Variants in PGD observed in about 807,000 individuals in gnomAD.
PGD encodes phosphogluconate dehydrogenase, also known as 6-phosphogluconate dehydrogenase, decarboxylating.
In PGD, 21 loss-of-function variants were observed where a neutral mutation model predicts 60.4. The ratio of observed to expected loss-of-function variants is 0.35; its 90% confidence interval spans 0.25 to 0.50. PGD has a LOEUF of 0.50. PGD is among the 20% of genes least tolerant of loss of function. PGD has a pLI of 0.98. For synonymous variants in PGD, 230 were observed against 235.9 expected, an observed-to-expected ratio of 0.97 and a Z score of 0.23; for missense variants, 477 against 613.1, an observed-to-expected ratio of 0.78 and a Z score of 2.34.
At chr1:10,399,764 C>A in intron 2 of PGD, 60 bp downstream of exon 2, 2 of 1,446,960 alleles carry the variant, frequency 1.4e-6, no homozygotes, top group Non-Finnish European at 1.9e-6. Flanking sequence ...CCGAGGCCGG[C>A]GATAGGTTTG....
chr1:10,419,512 T>C lies in PGD; in HGVS notation c.1305T>C (p.His435=), dbSNP rs1639653435. The C allele has an allele frequency of 2.5e-6, 4 of 1,606,328 alleles. No homozygotes were observed. The highest frequency in any genetic ancestry group is 3.4e-6 in the Non-Finnish European group (4 of 1,173,210). ...TALSFYDGYR[H]EMLPASLIQA... ...TCTCCTTCTATGACGGGTACAGACA[T>C]GAGATGCTTCCAGCCAGCCTCATCC... The change falls in exon 12 of 13, where the codon CAT becomes CAC. Residue 435 remains histidine, a synonymous_variant. Transcript: ENST00000270776.
intron 5 of PGD, 92 bp from the exon 6 acceptor site, chr1:10,407,979 G>C: frequency 2.6e-6 from 2 of 766,920 alleles, no homozygotes; most frequent in Non-Finnish European, 2.3e-6. Context: ...GAAAAGATAG[G>C]GGTTGGTGTC....
intron 7 of PGD, 101 bp downstream of exon 7, chr1:10,411,653 G>A: frequency 3.6e-6 from 5 of 1,386,608 alleles, no homozygotes; most frequent in Non-Finnish European, 5.0e-6. Flanking sequence ...GGCCATTCGG[G>A]TGGCCTGCAT....
chr1:10,400,803 A>G (rs1219957161), intron 3 of PGD, among the ~76,000 whole-genome samples: 1 of 152,198 alleles, frequency 6.6e-6, no homozygotes, highest in Non-Finnish European at 1.5e-5. Flanking sequence ...TTCAATAAAC[A>G]TTAAGGCGGG....
chr1:10,399,259 C>T, intron 1 of PGD, 134 bp downstream of exon 1: 4 of 1,051,538 alleles, frequency 3.8e-6, no homozygotes, highest in Non-Finnish European at 5.5e-6. Context: ...CTCTGTGACC[C>T]TGGCCCTACG....
intron 8 of PGD, among the ~76,000 whole-genome samples, chr1:10,413,759 G>A (rs903036103): frequency 1.3e-5 from 2 of 152,136 alleles, no homozygotes; most frequent in Admixed American, 1.3e-4. Context: ...CAAAAAATTA[G>A]CCAGGTGTGG....
At chr1:10,400,882 A>C (rs1285457149) in intron 3 of PGD, among the ~76,000 whole-genome samples, 1 of 152,126 alleles carries the variant, frequency 6.6e-6, no homozygotes, top group East Asian at 1.9e-4. Flanking sequence ...GTTTGAGCCC[A>C]GGAGTTCGAG....
intron 9 of PGD, 40 bp downstream of exon 9, chr1:10,417,157 C>T (rs370969316): frequency 6.6e-5 from 107 of 1,610,020 alleles, no homozygotes; most frequent in Non-Finnish European, 8.0e-5. Flanking sequence ...GTTGGTCCTG[C>T]GGAAGGCAGT....
At chr1:10,405,392 A>T (rs1340841944) in intron 5 of PGD, among the ~76,000 whole-genome samples, 58 of 134,700 alleles carry the variant, frequency 4.3e-4, no homozygotes, top group African/African-American at 1.6e-3. Flanking sequence ...AAACAAAACA[A>T]ACAAAAAATA....
chr1:10,413,459 C>T (rs754015648), intron 8 of PGD, among the ~76,000 whole-genome samples: 4 of 152,144 alleles, frequency 2.6e-5, no homozygotes, highest in Non-Finnish European at 5.9e-5. Flanking sequence ...TTATCTCATT[C>T]GTACAAACTG....
intron 2 of PGD, chr1:10,400,004 C>CGG: frequency 1.9e-6 from 1 of 517,634 alleles, no homozygotes. Flanking sequence ...GTGTAGAGCT[C>CGG]TAACTTGATT....
At chr1:10,403,427 T>G (rs1006922256) in intron 4 of PGD, among the ~76,000 whole-genome samples, 12 of 151,738 alleles carry the variant, frequency 7.9e-5, no homozygotes, top group Non-Finnish European at 1.8e-4. Context: ...CCGTCTCTAC[T>G]AAAAATACAA....
At chr1:10,404,401 T>G (rs1253405014) in intron 5 of PGD, 122 bp downstream of exon 5, 2 of 509,180 alleles carry the variant, frequency 3.9e-6, no homozygotes, top group Non-Finnish European at 6.9e-6. Context: ...AGCTGGGAGA[T>G]GCTGGCAATT....
intron 6 of PGD, among the ~76,000 whole-genome samples, chr1:10,408,350 G>C (rs1639443289): frequency 6.6e-6 from 1 of 152,122 alleles, no homozygotes; most frequent in Non-Finnish European, 1.5e-5. Flanking sequence ...CCTTGAGGTT[G>C]ATATTAAAAG....
Position 10,417,434 on chromosome 1 carries a change from C to T in PGD, c.1034C>T (p.Ala345Val). 6.2e-7 allele frequency: 1 copy of T among 1,613,818 alleles called. No homozygotes were observed. Residue 345 changes from alanine to valine, a missense_variant, in exon 10 of 13, where the codon GCA (alanine) becomes GTA (valine). Physicochemically the swap from Ala to Val is moderately conservative, Grantham distance 64. Transcript: ENST00000270776. The stretch of plus-strand genomic sequence containing the variant: ...CAAGGCTTTATGCTGCTAAGGCAGG[C>T]AGCCACCGAGTTTGGCTGGACTCTC... ...YAQGFMLLRQ[A>V]ATEFGWTLNY...
At chr1:10,410,707 A>G (rs963063669) in intron 6 of PGD, among the ~76,000 whole-genome samples, 3 of 152,168 alleles carry the variant, frequency 2.0e-5, no homozygotes, top group African/African-American at 7.2e-5. Context: ...TTGCTTGTCT[A>G]TAGGGCCAGA....
chr1:10,400,031 G>T, intron 2 of PGD: 1 of 479,100 alleles, frequency 2.1e-6, no homozygotes, highest in Non-Finnish European at 3.8e-6. Context: ...TGAGATCTGG[G>T]GAGAGTGAAA....
At position 10,413,283 on chromosome 1, in the gene PGD, G is replaced by A. The variant is rs370257596; in HGVS notation, c.844+32G>A. 2.3e-5 allele frequency: 37 copies of A among 1,581,734 alleles called. No homozygotes were observed. In the African/African-American group the frequency reaches 3.0e-4, roughly 13 times the overall value. On this transcript the variant is annotated intron_variant, in intron 8 of 12. Coordinates refer to ENST00000270776, the MANE Select transcript of PGD (RefSeq NM_002631.4). The stretch of plus-strand genomic sequence containing the variant: ...TTATGCTTTTCACATGGGCCCTTTC[G>A]TCCACTATTCTGATCTTGATGTCTG...
intron 8 of PGD, among the ~76,000 whole-genome samples, chr1:10,416,323 T>G (rs947561120): frequency 6.6e-6 from 1 of 152,244 alleles, no homozygotes; most frequent in Non-Finnish European, 1.5e-5. Flanking sequence ...TGTTAATCTT[T>G]GTGATTGAAT....
Sources: allele counts gnomAD v4.1 joint callset (sites outside exome capture counted in the v4.1 genomes callset), GRCh38; gene constraint gnomAD v4.1.1; transcripts MANE v1.5; gene names NCBI Gene and HGNC (gene_info 2026-07-23, HGNC 2026-07-21).